CFAP126: variants seen among roughly 807,000 people sequenced by gnomAD.
The protein encoded by CFAP126 is protein Flattop.
In CFAP126, 21 loss-of-function variants were observed where a neutral mutation model predicts 17.1. That is an observed-to-expected ratio of 1.23 (90% CI 0.87 to 1.77). CFAP126 has a LOEUF of 1.77. Among genes scored for constraint, CFAP126 ranks in the 40% most tolerant of loss-of-function variants. The pLI, the probability that CFAP126 is intolerant of heterozygous loss-of-function variation, is 0.00. For synonymous variants in CFAP126, 65 were observed against 73.5 expected (o/e 0.88, Z 0.59); for missense variants, 174 against 215.4 (o/e 0.81, Z 1.20).
At chr1:161,365,180 C>A in intron 4 of CFAP126, 30 bp from the exon 5 acceptor site, 1 of 1,599,404 alleles carries the variant, frequency 6.3e-7, no homozygotes, top group South Asian at 1.1e-5. Context: ...GAGAGATAGT[C>A]ATGTCTCTGG....
intron 1 of CFAP126, chr1:161,367,194 T>C (rs1311535404): frequency 6.6e-6 from 1 of 152,288 alleles, no homozygotes; most frequent in Non-Finnish European, 1.5e-5. Context: ...TATTTAAATT[T>C]TATGTTTTAA....
intron 1 of CFAP126, chr1:161,366,927 C>T: frequency 5.5e-6 from 1 of 182,556 alleles, no homozygotes; most frequent in Non-Finnish European, 1.2e-5. Flanking sequence ...GTGCATGCCA[C>T]CATGTCCAGC....
chr1:161,366,387 A>G, intron 2 of CFAP126, 52 bp downstream of exon 2: 1 of 1,584,936 alleles, frequency 6.3e-7, no homozygotes, highest in Non-Finnish European at 8.7e-7. Context: ...AAAGGAGTTA[A>G]TTGACAGGGA....
At chr1:161,366,406 G>T in intron 2 of CFAP126, 33 bp downstream of exon 2, 1 of 1,600,748 alleles carries the variant, frequency 6.2e-7, no homozygotes, top group Non-Finnish European at 8.6e-7. Flanking sequence ...GAGAGCATGA[G>T]GCTATCTTGT....
Position 161,365,000 on chromosome 1 carries a change from G to C in CFAP126, c.499C>G (p.His167Asp). 1 of 1,614,196 alleles carries C rather than the reference G, an allele frequency of 6.2e-7. No homozygotes were observed. ...ELQSSHPSAG[H>D]TPGPQRPAKS ...GCTGGTCTTTGGGGACCTGGAGTAT[G>C]ACCTGCAGAGGGGTGTGAGCTTTGG... is the stretch of plus-strand genomic sequence containing the variant. The change falls in exon 5 of 5, where the codon CAT (histidine) becomes GAT (aspartate). Residue 167 changes from histidine (H) to aspartate (D), a missense_variant. Coordinates refer to ENST00000367974, the MANE Select transcript of CFAP126 (RefSeq NM_001013625.4).
At chr1:161,365,729 A>G (rs2102393206) in intron 3 of CFAP126, 27 bp from the exon 4 acceptor site, 1 of 1,540,022 alleles carries the variant, frequency 6.5e-7, no homozygotes, top group East Asian at 2.3e-5. Context: ...ATTCCTCAGT[A>G]GGGCTTCTCA....
intron 3 of CFAP126, 64 bp downstream of exon 3, chr1:161,366,134 A>C: frequency 7.8e-7 from 1 of 1,279,536 alleles, no homozygotes; most frequent in Admixed American, 1.7e-5. Context: ...GAGAGACTGC[A>C]CATCTCCCAG....
Position 161,367,685 on chromosome 1 carries a change from G to A in CFAP126, c.27+157C>T, listed in dbSNP as rs147292785. The A allele has an allele frequency of 6.2e-3, 3,723 of 603,502 alleles. 16 individuals carry two copies. The highest frequency in any genetic ancestry group is 8.5e-3 in the Non-Finnish European group (3,049 of 356,642). The allele number at this position is 603,502 out of a possible 1,614,324, so 37.4% of individuals were successfully genotyped here. On this transcript the variant is annotated intron_variant, in intron 1 of 4. Transcript: ENST00000367974. ...TTTAACCAAGAGATACCTTTGGATCGCCCCTGGGCTCTCTCTATCCCTGAG... is the reference window on the plus strand; with the variant it reads ...TTTAACCAAGAGATACCTTTGGATCACCCCTGGGCTCTCTCTATCCCTGAG...
chr1:161,364,910 A>T lies in CFAP126; in HGVS notation c.*55T>A. ...TTCCAGGTTTGTATTTCTGGACCTC[A>T]GCTAGATTAGGCCCTGCCCAGAGTT... is the stretch of plus-strand genomic sequence containing the variant. On this transcript the variant is annotated 3_prime_UTR_variant, in exon 5 of 5. Transcript: ENST00000367974. 6.5e-7 allele frequency: 1 copy of T among 1,533,878 alleles called. No homozygotes were observed.
chr1:161,364,804 A>C lies in CFAP126; in HGVS notation c.*161T>G. ...CCACCCCAAAATTTCCCTGTTTCAC[A>C]GTTCTGACTGGGGGCTCTTGTTTAT... On this transcript the variant is annotated 3_prime_UTR_variant, in exon 5 of 5. Transcript: ENST00000367974. 1 of 663,482 alleles carries C rather than the reference A, an allele frequency of 1.5e-6. No individual in the cohort carries two copies. Among genetic ancestry groups the C allele is most frequent in the Non-Finnish European group, 2.4e-6 (1 of 421,554 alleles). 41.1% of individuals were successfully genotyped at this position (663,482 alleles called of 1,614,324 possible).
chr1:161,367,804 AAAAGT>A (rs1475746473), intron 1 of CFAP126, 33 bp downstream of exon 1: 2 of 1,591,426 alleles, frequency 1.3e-6, no homozygotes, highest in Non-Finnish European at 1.7e-6. Flanking sequence ...TCTGAAAAAC[AAAAGT>A]AAACGTTAAA....
rs1322061868 is a variant in CFAP126 at position 161,364,841 on chromosome 1, G to A, written c.*124C>T. The A allele has an allele frequency of 3.4e-5, 31 of 905,102 alleles. No homozygotes were observed. Among genetic ancestry groups the A allele is most frequent in the Non-Finnish European group, 5.2e-5 (31 of 599,048 alleles). The allele number at this position is 905,102 out of a possible 1,614,324, so 56.1% of individuals were successfully genotyped here. On this transcript the variant is annotated 3_prime_UTR_variant, in exon 5 of 5. Coordinates refer to ENST00000367974, the MANE Select transcript of CFAP126 (RefSeq NM_001013625.4). ...GGGCTCTTGTTTATTTCACTGAGTC[G>A]CTATACGGGTTTTTCAGTGTGTGGC...
intron 1 of CFAP126, 28 bp downstream of exon 1, chr1:161,367,814 G>C (rs41270861): frequency 4.4e-6 from 7 of 1,602,080 alleles, no homozygotes; most frequent in African/African-American, 1.3e-5. Context: ...AAAAGTAAAC[G>C]TTAAAGAAAT....
At chr1:161,366,534 C>A (rs765413609) in intron 1 of CFAP126, 33 bp from the exon 2 acceptor site, 1 of 1,590,556 alleles carries the variant, frequency 6.3e-7, no homozygotes, top group South Asian at 1.1e-5. Flanking sequence ...CCCTATGAGA[C>A]TTCAAGGCCC....
chr1:161,367,778 C>T, intron 1 of CFAP126, 64 bp downstream of exon 1: 1 of 1,399,994 alleles, frequency 7.1e-7, no homozygotes, highest in South Asian at 1.2e-5. Context: ...TGAGAGGGGA[C>T]AGTCCAAAGA....
At chr1:161,366,401 C>T (rs1427323469) in intron 2 of CFAP126, 38 bp downstream of exon 2, 1 of 1,596,920 alleles carries the variant, frequency 6.3e-7, no homozygotes, top group African/African-American at 1.3e-5. Context: ...ACAGGGAGAG[C>T]ATGAGGCTAT....
At chr1:161,366,352 G>T in intron 2 of CFAP126, 74 bp from the exon 3 acceptor site, 1 of 1,566,810 alleles carries the variant, frequency 6.4e-7, no homozygotes, top group Non-Finnish European at 8.8e-7. Context: ...GGTCAGAGAA[G>T]GATATGGGAG....
rs1198795928 is a variant in CFAP126, at chr1:161,365,646, A to C, written c.228T>G (p.Pro76=). The C allele has an allele frequency of 3.1e-6, 5 of 1,613,568 alleles. No individual in the cohort carries two copies. In the African/African-American group the frequency reaches 6.7e-5, roughly 22 times the overall value. ...GTWQMPLKIP[P]ARVTLTSRTT... is the part of the protein sequence containing the mutation. ...TACGGGAGGTCAGGGTCACCCGAGC[A>C]GGGGGTATCTTCAGAGGCATTTGCC... Residue 76 remains proline, a synonymous_variant, in exon 4 of 5, where the codon CCT becomes CCG. Transcript: ENST00000367974.
chr1:161,365,454 CAA>C (rs1672695656), intron 4 of CFAP126, 70 bp downstream of exon 4: 1 of 1,549,176 alleles, frequency 6.5e-7, no homozygotes, highest in African/African-American at 1.4e-5. Flanking sequence ...GGTGGCATAA[CAA>C]TAGACATTTT....
Sources: allele counts gnomAD v4.1 joint callset, GRCh38; gene constraint gnomAD v4.1.1; transcripts MANE v1.5; gene names NCBI Gene and HGNC (gene_info 2026-07-23, HGNC 2026-07-21).